LRTM1: variants seen among roughly 807,000 people sequenced by gnomAD.
LRTM1 encodes leucine rich repeat transmembrane protein 1.
A neutral mutation model predicts 32.4 loss-of-function variants in LRTM1; 38 were observed. The ratio of observed to expected loss-of-function variants is 1.17; its 90% CI spans 0.91 to 1.54. LRTM1 has a LOEUF of 1.54. LRTM1 is among the 40% of genes most tolerant of loss of function. The pLI is 0.00. For synonymous variants in LRTM1, 186 were observed against 169.9 expected (o/e 1.09, Z -0.74); for missense variants, 466 against 415.4 (o/e 1.12, Z -1.06).
intron 1 of LRTM1, 43 bp downstream of exon 1, chr3:54,927,862 T>C (rs1701068970): frequency 9.3e-6 from 15 of 1,610,282 alleles, no homozygotes; most frequent in Non-Finnish European, 1.3e-5. Flanking sequence ...ACCATCTTTC[T>C]CCCAGACAAG....
intron 1 of LRTM1, among the ~76,000 whole-genome samples, chr3:54,957,086 A>G (rs1701916224): frequency 6.6e-6 from 1 of 152,218 alleles, no homozygotes; most frequent in East Asian, 1.9e-4. Flanking sequence ...GGCTTCATAA[A>G]TGGGATTAAT....
At chr3:54,921,650 A>G (rs1010798856) in intron 2 of LRTM1, among the ~76,000 whole-genome samples, 1 of 152,118 alleles carries the variant, frequency 6.6e-6, no homozygotes, top group Non-Finnish European at 1.5e-5. Flanking sequence ...CAGGCCATAA[A>G]GCCCCCGTGT....
At chr3:54,921,804 C>T (rs1016978115) in intron 2 of LRTM1, among the ~76,000 whole-genome samples, 4 of 152,118 alleles carry the variant, frequency 2.6e-5, no homozygotes, top group African/African-American at 9.7e-5. Context: ...TTGAACTCTG[C>T]CATGAATGAG....
intron 1 of LRTM1, among the ~76,000 whole-genome samples, chr3:54,944,814 G>GTGT (rs1553925008): frequency 0.018 from 2,027 of 111,402 alleles, 41 homozygotes; most frequent in African/African-American, 0.081. Context: ...TAGAGCTGGG[G>GTGT]GTGTGTGTGT....
At chr3:54,945,617 G>A (rs1251171555) in intron 1 of LRTM1, among the ~76,000 whole-genome samples, 2 of 152,170 alleles carry the variant, frequency 1.3e-5, no homozygotes, top group East Asian at 1.9e-4. Context: ...TTTAGTGTCA[G>A]TGCCTCTCAG....
intron 1 of LRTM1, among the ~76,000 whole-genome samples, chr3:54,936,944 G>A (rs1701343547): frequency 6.6e-6 from 1 of 152,150 alleles, no homozygotes; most frequent in Non-Finnish European, 1.5e-5. Flanking sequence ...ATGTTTATAA[G>A]TTCCTATCCA....
At chr3:54,928,155 C>T (rs142882366), upstream of LRTM1, 1,690 of 521,740 alleles carry the variant, frequency 3.2e-3, 35 homozygotes, top group African/African-American at 0.029. Flanking sequence ...TGGGATCGTG[C>T]CCCTCTTCTT....
chr3:54,926,818 G>T (rs1701035991), intron 1 of LRTM1, among the ~76,000 whole-genome samples: 1 of 152,116 alleles, frequency 6.6e-6, no homozygotes, highest in Non-Finnish European at 1.5e-5. Flanking sequence ...CAGCATCCTT[G>T]TTCAGACTGC....
At chr3:54,948,051 G>C (rs76172555) in intron 1 of LRTM1, among the ~76,000 whole-genome samples, 3,457 of 152,312 alleles carry the variant, frequency 0.023, 56 homozygotes, top group Non-Finnish European at 0.037. Context: ...ATACAGGGCA[G>C]ACCTTCTACG....
intron 1 of LRTM1, among the ~76,000 whole-genome samples, chr3:54,941,491 A>G (rs1370145345): frequency 2.6e-5 from 4 of 152,054 alleles, no homozygotes; most frequent in African/African-American, 7.2e-5. Flanking sequence ...TTCCCCCTCC[A>G]TTCATTGTTC....
chr3:54,918,587 A>C lies in LRTM1; in HGVS notation c.910T>G (p.Leu304Val). 6.2e-7 allele frequency: 1 copy of C among 1,614,148 alleles called. No homozygotes were observed. Residue 304 changes from leucine to valine, a missense_variant, in exon 3 of 3, where the codon TTG becomes GTG. By Grantham distance (32) the Leu-to-Val change is conservative. Transcript: ENST00000273286. ...VVCGIVCLMMLAAAIYGCTYA... is the reference protein window; with the variant it reads ...VVCGIVCLMMVAAAIYGCTYA... ...GTGCAGCCATAGATGGCAGCTGCCA[A>C]CATCATGAGACACACAATCCCACAC...
chr3:54,950,153 C>G (rs1009437749), intron 1 of LRTM1, among the ~76,000 whole-genome samples: 1 of 152,234 alleles, frequency 6.6e-6, no homozygotes, highest in African/African-American at 2.4e-5. Flanking sequence ...AAGTAGGGAA[C>G]TGGGAGAACT....
chr3:54,934,513 A>C (rs1701281738), intron 1 of LRTM1, among the ~76,000 whole-genome samples: 1 of 152,190 alleles, frequency 6.6e-6, no homozygotes, highest in Admixed American at 6.5e-5. Flanking sequence ...TCCCTTTAGC[A>C]GGCCTTGAGT....
chr3:54,923,523 G>C (rs936797850), intron 2 of LRTM1, among the ~76,000 whole-genome samples: 5 of 152,046 alleles, frequency 3.3e-5, no homozygotes, highest in Non-Finnish European at 5.9e-5. Context: ...TTGTTTCTTA[G>C]CACTAACTGC....
At chr3:54,945,441 G>C (rs1261240574) in intron 1 of LRTM1, among the ~76,000 whole-genome samples, 1 of 152,196 alleles carries the variant, frequency 6.6e-6, no homozygotes, top group South Asian at 2.1e-4. Context: ...GCCCAGGCAT[G>C]TATCTCTTTT....
chr3:54,926,798 T>C (rs1475366978), intron 1 of LRTM1, among the ~76,000 whole-genome samples: 1 of 152,184 alleles, frequency 6.6e-6, no homozygotes, highest in East Asian at 1.9e-4. Context: ...TTCTAAATGA[T>C]GCTGTAAAAC....
intron 1 of LRTM1, among the ~76,000 whole-genome samples, chr3:54,945,967 A>G (rs1449317825): frequency 1.3e-5 from 2 of 152,206 alleles, no homozygotes; most frequent in Admixed American, 1.3e-4. Flanking sequence ...GCTCTTCACA[A>G]GAGTTCTTTG....
intron 2 of LRTM1, among the ~76,000 whole-genome samples, chr3:54,919,098 G>A (rs1700758615): frequency 1.3e-5 from 2 of 151,868 alleles, no homozygotes; most frequent in African/African-American, 4.8e-5. Context: ...ACACTAAATT[G>A]GCAATTACTT....
intron 2 of LRTM1, among the ~76,000 whole-genome samples, chr3:54,920,576 C>T (rs922917792): frequency 2.0e-5 from 3 of 152,156 alleles, no homozygotes; most frequent in Non-Finnish European, 2.9e-5. Context: ...TTCAAAGTGC[C>T]ATTGAGATTA....
Sources: allele counts gnomAD v4.1 joint callset (sites outside exome capture counted in the v4.1 genomes callset), GRCh38; gene constraint gnomAD v4.1.1; transcripts MANE v1.5; gene names NCBI Gene and HGNC (gene_info 2026-07-23, HGNC 2026-07-21).